Variants in ABLIM2 observed in about 807,000 individuals in gnomAD.
ABLIM2 encodes the protein actin-binding LIM protein 2.
Under a neutral mutation model 97.7 loss-of-function variants are expected in ABLIM2, and 53 were observed. The ratio of observed to expected loss-of-function variants is 0.54; its 90% CI spans 0.44 to 0.68. The LOEUF (loss-of-function observed/expected upper bound fraction) is 0.68, where lower values mean the gene tolerates loss of function less well. Among genes scored for constraint, ABLIM2 ranks in the 30% least tolerant of loss-of-function variants. ABLIM2 has a pLI of 0.00. For synonymous variants in ABLIM2, 361 were observed against 345.8 expected (o/e 1.04, Z -0.49); for missense variants, 835 against 867.2 (o/e 0.96, Z 0.47).
intron 8 of ABLIM2, among the ~76,000 whole-genome samples, chr4:8,052,808 C>T (rs925686689): frequency 6.6e-6 from 1 of 152,398 alleles, no homozygotes. Flanking sequence ...CCTGCAGGCA[C>T]AGCTGCTCAA....
chr4:8,039,439 C>A lies in ABLIM2; in HGVS notation c.901-3144G>T, dbSNP rs144720362. Among the ~76,000 whole-genome samples, 654 of 152,250 alleles carry A rather than the reference C, an allele frequency of 4.3e-3. 5 individuals carry two copies. The highest frequency in any genetic ancestry group is 0.015 in the African/African-American group (627 of 41,510). ...GATGCCAACAGCCCCTGCCCGACCC[C>A]TCAGACAGGTTGCTAAGTGGCCTTG... On this transcript the variant is annotated intron_variant, in intron 9 of 20. Transcript: ENST00000447017.
intron 2 of ABLIM2, among the ~76,000 whole-genome samples, chr4:8,101,866 T>A (rs1344570793): frequency 6.6e-6 from 1 of 152,236 alleles, no homozygotes; most frequent in Non-Finnish European, 1.5e-5. Context: ...GCGTTTGACG[T>A]ATTTATGTTC....
At chr4:8,038,111 G>A (rs535325767) in intron 9 of ABLIM2, among the ~76,000 whole-genome samples, 1 of 152,332 alleles carries the variant, frequency 6.6e-6, no homozygotes, top group East Asian at 1.9e-4. Context: ...ATGATGAGCT[G>A]TCTACCCCGA....
chr4:7,988,319 G>A (rs760878005), intron 17 of ABLIM2, among the ~76,000 whole-genome samples: 2 of 152,152 alleles, frequency 1.3e-5, no homozygotes, highest in Non-Finnish European at 2.9e-5. Context: ...CACCACGCCC[G>A]GCCTGTTTAG....
chr4:8,117,413 T>A (rs1048933914), intron 1 of ABLIM2, among the ~76,000 whole-genome samples: 1 of 151,050 alleles, frequency 6.6e-6, no homozygotes, highest in Non-Finnish European at 1.5e-5. Flanking sequence ...CAGATTCTCC[T>A]GCTTCAGGCT....
chr4:8,126,220 A>G (rs1847841756), intron 1 of ABLIM2, among the ~76,000 whole-genome samples: 1 of 152,096 alleles, frequency 6.6e-6, no homozygotes, highest in African/African-American at 2.4e-5. Context: ...CACAGGCCAG[A>G]AGGAGGGCAC....
chr4:8,016,667 T>C (rs1769487983), intron 14 of ABLIM2, among the ~76,000 whole-genome samples: 1 of 152,186 alleles, frequency 6.6e-6, no homozygotes, highest in Non-Finnish European at 1.5e-5. Context: ...AGCTCCTGCC[T>C]GCGTGCTGGA....
rs569990737 is a variant in ABLIM2 at position 8,007,268 on chromosome 4, G to C, written c.1618+791C>G. 21 of 985,182 alleles carry C rather than the reference G, an allele frequency of 2.1e-5. No homozygotes were observed. The Admixed American group carries it at 3.1e-4, about 14-fold the overall frequency. The allele number at this position is 985,182 out of a possible 1,614,324, so 61.0% of individuals were successfully genotyped here. A position where few individuals can be genotyped will look rare whatever the true frequency, so the allele number is the denominator to read the frequency against. Reference sequence around the variant, plus strand: ...TCCTAACACCTGGCGCCCATCACACGACGGGTCAGTGGTGAGCTCAGATTT... The same window carrying C: ...TCCTAACACCTGGCGCCCATCACACCACGGGTCAGTGGTGAGCTCAGATTT... On this transcript the variant is annotated intron_variant, in intron 16 of 20. Transcript: ENST00000447017.
Position 8,128,565 on chromosome 4 carries a change from T to C in ABLIM2, c.11-21928A>G, listed in dbSNP as rs545909623. Among the ~76,000 whole-genome samples, 1 of 152,234 alleles carries C rather than the reference T, an allele frequency of 6.6e-6. No individual in the cohort carries two copies. Among genetic ancestry groups the C allele is most frequent in the African/African-American group, 2.4e-5 (1 of 41,460 alleles). On this transcript the variant is annotated intron_variant, in intron 1 of 20. Coordinates refer to ENST00000447017, the MANE Select transcript of ABLIM2 (RefSeq NM_001130083.2). This position sits in a 1 kb window ranked among gnomAD's most constrained non-coding sequence, Gnocchi z 4.9. Reference sequence around the variant, plus strand: ...GTACTCCCAGGCTCTAAAACACGAATGCACTAAACCTCCAGTGACCTTGCA... The same window carrying C: ...GTACTCCCAGGCTCTAAAACACGAACGCACTAAACCTCCAGTGACCTTGCA...
chr4:8,009,680 G>C (rs1233088004), intron 14 of ABLIM2, among the ~76,000 whole-genome samples: 2 of 152,072 alleles, frequency 1.3e-5, no homozygotes, highest in African/African-American at 4.8e-5. Flanking sequence ...ACAGGCATGA[G>C]CCACCGCACC....
intron 1 of ABLIM2, among the ~76,000 whole-genome samples, chr4:8,118,350 A>G (rs968787995): frequency 3.3e-5 from 5 of 152,166 alleles, no homozygotes; most frequent in African/African-American, 1.2e-4. Context: ...TCGTCCTCCA[A>G]TCCCACAGGG....
chr4:8,126,604 T>C (rs986671466), intron 1 of ABLIM2, among the ~76,000 whole-genome samples: 2 of 152,182 alleles, frequency 1.3e-5, no homozygotes, highest in African/African-American at 4.8e-5. Context: ...GCCCTGTCTT[T>C]TATGTTAATA....
chr4:8,037,385 T>C (rs1483137393), intron 9 of ABLIM2, among the ~76,000 whole-genome samples: 1 of 151,178 alleles, frequency 6.6e-6, no homozygotes. Context: ...CACATGTGCA[T>C]GTATACCTCC....
chr4:8,007,996 G>A (rs769652566), intron 16 of ABLIM2, 63 bp downstream of exon 16: 13 of 1,596,450 alleles, frequency 8.1e-6, no homozygotes, highest in African/African-American at 4.0e-5. Context: ...CTGAGTTCTG[G>A]GGCCTCTTTG....
At position 7,998,553 on chromosome 4, in the gene ABLIM2, C is replaced by T. The variant is rs771243627; in HGVS notation, c.1619-5626G>A. 48 of 455,390 alleles carry T rather than the reference C, an allele frequency of 1.1e-4. 1 individual carries two copies. Among genetic ancestry groups the T allele is most frequent in the South Asian group, 5.3e-4 (34 of 64,646 alleles). The allele number at this position is 455,390 out of a possible 1,614,324, so 28.2% of individuals were successfully genotyped here. On this transcript the variant is annotated intron_variant, in intron 16 of 20. Transcript: ENST00000447017. The surrounding 1 kb of genome is among the most constrained non-coding windows in gnomAD (Gnocchi z 6.4). ...GGGTGGGGGTGGGAGATGCCTGCCA[C>T]GGGTGGAGACCATGCCCCTGGGTTC...
Position 8,068,201 on chromosome 4 carries a change from C to T in ABLIM2, c.676-7147G>A, listed in dbSNP as rs1809342200. 6.6e-6 allele frequency among the ~76,000 whole-genome samples: 1 copy of T among 152,200 alleles called. No homozygotes were observed. Reference sequence around the variant, plus strand: ...GCTCCCCAGGCAGGCGGAAGTCCCACCCTCGCCCGCGTGGGGCTCATGATG... The same window carrying T: ...GCTCCCCAGGCAGGCGGAAGTCCCATCCTCGCCCGCGTGGGGCTCATGATG... On this transcript the variant is annotated intron_variant, in intron 6 of 20. Transcript: ENST00000447017. The surrounding 1 kb of genome is among the most constrained non-coding windows in gnomAD (Gnocchi z 4.5).
chr4:8,014,242 G>A (rs1767134325), intron 14 of ABLIM2, among the ~76,000 whole-genome samples: 1 of 152,248 alleles, frequency 6.6e-6, no homozygotes, highest in African/African-American at 2.4e-5. Flanking sequence ...ACTGGGGAAG[G>A]TGCCCGGGGT....
chr4:8,105,393 C>T (rs939915304), intron 2 of ABLIM2, among the ~76,000 whole-genome samples: 1 of 152,244 alleles, frequency 6.6e-6, no homozygotes, highest in Non-Finnish European at 1.5e-5. Context: ...AAAGCTTGCG[C>T]CTTCCTGGTC....
In ABLIM2 at chr4:7,965,460, C is replaced by G. The variant is rs899057599; in HGVS notation, c.*1530G>C. Reference sequence around the variant, plus strand: ...GGAAGCATATTAGGTGCTAAAAACTCCCCCTCCCTAGCCGAGCTGGGCGGG... The same window carrying G: ...GGAAGCATATTAGGTGCTAAAAACTGCCCCTCCCTAGCCGAGCTGGGCGGG... On this transcript the variant is annotated 3_prime_UTR_variant, in exon 21 of 21. Coordinates refer to ENST00000447017, the MANE Select transcript of ABLIM2 (RefSeq NM_001130083.2). The G allele has an allele frequency of 2.6e-5, 4 of 152,570 alleles. No homozygotes were observed. Among genetic ancestry groups the G allele is most frequent in the African/African-American group, 7.2e-5 (3 of 41,430 alleles). 9.5% of individuals were successfully genotyped at this position (152,570 alleles called of 1,614,324 possible). A position where few individuals can be genotyped will look rare whatever the true frequency, so the allele number is the denominator to read the frequency against.
Sources: gnomAD v4.1 joint callset for allele counts (sites outside exome capture counted in the v4.1 genomes callset) on GRCh38, gnomAD v4.1.1 for gene constraint, Gnocchi (gnomAD v3.1) non-coding constraint, MANE v1.5 for transcripts, NCBI Gene and HGNC (gene_info 2026-07-23, HGNC 2026-07-21) for gene names.